The following TNIK variants were observed in gnomAD, a reference collection of about 807,000 sequenced individuals.
The protein encoded by TNIK is TRAF2 and NCK-interacting protein kinase.
In TNIK, 49 loss-of-function variants were observed where a neutral mutation model predicts 191.3. The observed-to-expected ratio is 0.26, with a 90% CI of 0.20 to 0.32. The LOEUF is 0.32. Among genes scored for constraint, TNIK ranks in the 10% least tolerant of loss-of-function variants. The pLI, the probability that TNIK is intolerant of heterozygous loss-of-function variation, is 1.00. For synonymous variants in TNIK, 594 were observed against 600.9 expected, an observed-to-expected ratio of 0.99 and a Z score of 0.17; for missense variants, 1,155 against 1,702.3, an observed-to-expected ratio of 0.68 and a Z score of 5.66.
At chr3:171,145,852 C>G (rs1035443368) in intron 12 of TNIK, among the ~76,000 whole-genome samples, 2 of 151,372 alleles carry the variant, frequency 1.3e-5, no homozygotes, top group African/African-American at 2.4e-5. Flanking sequence ...GCACCTACAC[C>G]AGGGTGTTCT....
At chr3:171,336,920 C>CAT (rs34954780) in intron 2 of TNIK, among the ~76,000 whole-genome samples, 26,244 of 152,132 alleles carry the variant, frequency 0.17, 2,862 homozygotes, top group South Asian at 0.32. Context: ...CAGGGAGCTT[C>CAT]ATGCTCCCTG....
At chr3:171,432,568 A>G (rs1725512306) in intron 1 of TNIK, among the ~76,000 whole-genome samples, 1 of 152,214 alleles carries the variant, frequency 6.6e-6, no homozygotes, top group Non-Finnish European at 1.5e-5. Flanking sequence ...AAAGTAATAG[A>G]TATCAAATTA....
chr3:171,302,524 C>G (rs546650863), intron 2 of TNIK, among the ~76,000 whole-genome samples: 6 of 152,146 alleles, frequency 3.9e-5, no homozygotes, highest in Non-Finnish European at 8.8e-5. Context: ...GTACCTGTAT[C>G]CTTGCATTGG....
At chr3:171,346,382 T>C (rs534315952) in intron 2 of TNIK, among the ~76,000 whole-genome samples, 1 of 152,172 alleles carries the variant, frequency 6.6e-6, no homozygotes, top group Non-Finnish European at 1.5e-5. Flanking sequence ...ATGACTTGGA[T>C]ATGTAAGTAT....
intron 2 of TNIK, among the ~76,000 whole-genome samples, chr3:171,258,732 C>G (rs1747203962): frequency 6.6e-6 from 1 of 152,198 alleles, no homozygotes; most frequent in African/African-American, 2.4e-5. Context: ...GCCCACTCCA[C>G]CTGGTTCCCA....
rs117851624 is a variant in TNIK at position 171,111,575 on chromosome 3, G to A, written c.2121-698C>T. Among the ~76,000 whole-genome samples, 50 of 152,302 alleles carry A rather than the reference G, an allele frequency of 3.3e-4. 2 individuals carry two copies. The East Asian group carries it at 9.3e-3, about 28-fold the overall frequency. On this transcript the variant is annotated intron_variant, in intron 18 of 32. Coordinates refer to ENST00000436636, the MANE Select transcript of TNIK (RefSeq NM_015028.4). ...ACCCTGTTGGTGAGAATGTAAAATA[G>A]TACAGCCAGTACGGAAAACAGTATG...
Sources: allele counts gnomAD v4.1 joint callset (sites outside exome capture counted in the v4.1 genomes callset), GRCh38; gene constraint gnomAD v4.1.1; transcripts MANE v1.5; gene names NCBI Gene and HGNC (gene_info 2026-07-23, HGNC 2026-07-21).